The following GNMT variants were observed in gnomAD, a reference collection of about 807,000 sequenced individuals.
The protein encoded by GNMT is epididymis secretory sperm binding protein Li 182mP.
Under a neutral mutation model 30.2 loss-of-function variants are expected in GNMT, and 26 were observed. The ratio of observed to expected loss-of-function variants is 0.86; its 90% confidence interval spans 0.63 to 1.19. The LOEUF is 1.19. Ranked by LOEUF, GNMT falls within the 50% of genes most tolerant of loss-of-function variation. GNMT has a pLI of 0.00. For missense variants in GNMT, 365 were observed against 398.1 expected (o/e 0.92, Z 0.71); for synonymous variants, 163 against 163.8 (o/e 1.00, Z 0.04).
rs201991849 is a variant in GNMT, at chr6:42,963,601, C to G, written c.783C>G (p.Phe261Leu). The G allele has an allele frequency of 5.1e-5, 83 of 1,614,172 alleles. No individual in the cohort carries two copies. The East Asian group carries it at 7.1e-4, about 14-fold the overall frequency. The change falls in exon 6 of 6, where the codon TTC becomes TTG. Residue 261 changes from phenylalanine to leucine, a missense_variant. Phe to Leu is a conservative substitution (Grantham distance 22, BLOSUM62 0). Coordinates refer to ENST00000372808, the MANE Select transcript of GNMT (RefSeq NM_018960.6). ...TCACGGAGCTGCTCCAAGCAGCCTT[C>G]GGAGGTAAGTGCCAGCACAGCGTCC... ...ASFTELLQAA[F>L]GGKCQHSVLG...
chr6:42,962,329 C>G lies in GNMT; in HGVS notation c.324C>G (p.Phe108Leu). ...GGAACCGGCGGCACGAGCCCGCCTT[C>G]GACAAGTGGGGTATGCAGGTCTAGC... ...ERWNRRHEPA[F>L]DKWVIEEANW... The change falls in exon 2 of 6, where the codon TTC (phenylalanine) becomes TTG (leucine). Residue 108 changes from phenylalanine to leucine, a missense_variant. This residue lies in a region of GNMT where 232 missense variants were observed against 263.0 expected (regional missense o/e 0.88). Transcript: ENST00000372808. The G allele has an allele frequency of 6.2e-7, 1 of 1,614,026 alleles. No individual in the cohort carries two copies. The highest frequency in any genetic ancestry group is 8.5e-7 in the Non-Finnish European group (1 of 1,180,020).
chr6:42,963,473 G>A (rs1168530093), intron 5 of GNMT, 24 bp downstream of exon 5: 2 of 1,612,858 alleles, frequency 1.2e-6, no homozygotes, highest in East Asian at 4.5e-5. Flanking sequence ...TAGTGGGGGT[G>A]AGGCGGTAGT....
In GNMT at chr6:42,960,845, G is replaced by A; in HGVS notation, c.78G>A (p.Glu26=). 2 of 1,556,304 alleles carry A rather than the reference G, an allele frequency of 1.3e-6. No homozygotes were observed. Among genetic ancestry groups the A allele is most frequent in the Non-Finnish European group, 1.7e-6 (2 of 1,153,304 alleles). ...TCCCGGACCAGTACGCGGACGGGGA[G>A]GCGGCGCGCGTGTGGCAGCTGTATA... ...EGLPDQYADG[E]AARVWQLYIG... Residue 26 remains glutamate (E), a synonymous_variant, in exon 1 of 6, where the codon GAG becomes GAA. Transcript: ENST00000372808.
Position 42,962,358 on chromosome 6 carries a change from G to A in GNMT, c.334+19G>A. ...AAGTGGGGTATGCAGGTCTAGCCAGGCTCCCCCAGCCCAGTCACCAGGAAC... is the reference window on the plus strand; with the variant it reads ...AAGTGGGGTATGCAGGTCTAGCCAGACTCCCCCAGCCCAGTCACCAGGAAC... On this transcript the variant is annotated intron_variant, in intron 2 of 5. Coordinates refer to ENST00000372808, the MANE Select transcript of GNMT (RefSeq NM_018960.6). 1.2e-6 allele frequency: 2 copies of A among 1,613,650 alleles called. No homozygotes were observed. Among genetic ancestry groups the A allele is most frequent in the Non-Finnish European group, 1.7e-6 (2 of 1,179,844 alleles).
rs138085632 is a variant in GNMT at position 42,963,087 on chromosome 6, A to C, written c.467A>C (p.His156Pro). ...TGGAGCTCAGGGGACCAGAGTGAGC[A>C]CCGGCTGGCGCTGAAAAACATTGCG... ...LPDCKGDQSE[H>P]RLALKNIASM... The change falls in exon 4 of 6, where the codon CAC (histidine) becomes CCC (proline). Residue 156 changes from histidine (H) to proline (P), a missense_variant. Transcript: ENST00000372808. 222 of 1,612,278 alleles carry C rather than the reference A, an allele frequency of 1.4e-4. No individual in the cohort carries two copies. The African/African-American group carries it at 2.5e-3, about 18-fold the overall frequency.
rs766053367 is a variant in GNMT at position 42,963,654 on chromosome 6, G to A, written c.836G>A (p.Gly279Asp). Residue 279 changes from glycine to aspartate, a missense_variant, in exon 6 of 6, where the codon GGC becomes GAC. Around this residue, in one of 3 missense-constraint regions of GNMT, gnomAD observed 232 missense variants for 263.0 expected, o/e 0.88. Coordinates refer to ENST00000372808, the MANE Select transcript of GNMT (RefSeq NM_018960.6). ...GGCGACTTCAAGCCTTACAAGCCAG[G>A]CCAAACCTACATTCCCTGCTACTTC... Reference protein sequence around the residue: ...VLGDFKPYKPGQTYIPCYFIH... With the variant: ...VLGDFKPYKPDQTYIPCYFIH... The A allele has an allele frequency of 1.4e-5, 23 of 1,614,058 alleles. No homozygotes were observed. The Admixed American group carries it at 3.7e-4, about 26-fold the overall frequency.
In GNMT at chr6:42,960,801, G is replaced by C. The variant is rs777001898; in HGVS notation, c.34G>C (p.Gly12Arg). The change falls in exon 1 of 6, where the codon GGG becomes CGG. Residue 12 changes from glycine to arginine, a missense_variant. This residue lies in a region of GNMT where 125 missense variants were observed against 112.0 expected (regional missense o/e 1.12). Transcript: ENST00000372808. ...CAGCGTGTACCGGACCCGCTCCCTG[G>C]GGGTGGCGGCCGAAGGGCTCCCGGA... ...VDSVYRTRSLGVAAEGLPDQY... is the reference protein window; with the variant it reads ...VDSVYRTRSLRVAAEGLPDQY... The C allele has an allele frequency of 1.3e-6, 2 of 1,553,872 alleles. No individual in the cohort carries two copies. The highest frequency in any genetic ancestry group is 2.4e-5 in the South Asian group (2 of 84,592).
Position 42,962,254 on chromosome 6 carries a change from G to C in GNMT, c.249G>C (p.Thr83=). 6.2e-7 allele frequency: 1 copy of C among 1,614,110 alleles called. No individual in the cohort carries two copies. Among genetic ancestry groups the C allele is most frequent in the South Asian group, 1.1e-5 (1 of 91,076 alleles). ...IMLVEEGFSV[T]SVDASDKMLK... is the part of the protein sequence containing the mutation. ...TGGTGGAAGAGGGCTTCAGTGTGAC[G>C]AGTGTGGATGCCAGTGACAAGATGC... The change falls in exon 2 of 6, where the codon ACG becomes ACC. Residue 83 remains threonine (T), a synonymous_variant. Transcript: ENST00000372808.
Position 42,963,535 on chromosome 6 carries a change from T to C in GNMT, c.717T>C (p.Ser239=). 1 of 1,613,958 alleles carries C rather than the reference T, an allele frequency of 6.2e-7. No individual in the cohort carries two copies. Among genetic ancestry groups the C allele is most frequent in the Non-Finnish European group, 8.5e-7 (1 of 1,179,872 alleles). The part of the protein sequence containing the change: ...GAGQDGSPGL[S]KFRLSYYPHC... ...ATGGTTGCTGGGGCCTCTGTTACAG[T>C]AAGTTCCGGCTCTCCTACTACCCAC... Residue 239 remains serine, a splice_region_variant and synonymous_variant, in exon 6 of 6, where the codon AGT becomes AGC. Transcript: ENST00000372808.
In GNMT at chr6:42,960,767, G is replaced by T; in HGVS notation, c.-1G>T. The T allele has an allele frequency of 6.6e-7, 1 of 1,526,240 alleles. No individual in the cohort carries two copies. The highest frequency in any genetic ancestry group is 8.8e-7 in the Non-Finnish European group (1 of 1,134,930). The allele number at this position is 1,526,240 out of a possible 1,614,324, so 94.5% of individuals were successfully genotyped here. ...GGCTGCGGAGCCAGGCGCGGCGCAG[G>T]ATGGTGGACAGCGTGTACCGGACCC... On this transcript the variant is annotated 5_prime_UTR_variant, in exon 1 of 6. Coordinates refer to ENST00000372808, the MANE Select transcript of GNMT (RefSeq NM_018960.6).
chr6:42,962,797 G>C lies in GNMT; in HGVS notation c.370G>C (p.Asp124His), dbSNP rs1428884178. 6.2e-7 allele frequency: 1 copy of C among 1,614,152 alleles called. No homozygotes were observed. ...EEANWMTLDK[D>H]VPQSAEGGFD... ...AGCCAACTGGATGACTCTGGACAAA[G>C]ATGTGCCCCAGTCAGCAGAGGGTGG... The change falls in exon 3 of 6, where the codon GAT becomes CAT. Residue 124 changes from aspartate to histidine, a missense_variant. By Grantham distance (81) the Asp-to-His change is moderately conservative. Coordinates refer to ENST00000372808, the MANE Select transcript of GNMT (RefSeq NM_018960.6).
chr6:42,960,933 C>A lies in GNMT; in HGVS notation c.166C>A (p.His56Asn). ...ATGGCTGCTTGGGCTGCTGCGCCAG[C>A]ACGGCTGCCAGCGGGTGCTCGACGT... is the stretch of plus-strand genomic sequence containing the variant. ...KAWLLGLLRQ[H>N]GCQRVLDVAC... Residue 56 changes from histidine (H) to asparagine (N), a missense_variant, in exon 1 of 6, where the codon CAC (histidine) becomes AAC (asparagine). By Grantham distance (68) the His-to-Asn change is moderately conservative. This residue lies in a region of GNMT where 125 missense variants were observed against 112.0 expected (regional missense o/e 1.12). Coordinates refer to ENST00000372808, the MANE Select transcript of GNMT (RefSeq NM_018960.6). The A allele has an allele frequency of 6.4e-7, 1 of 1,564,646 alleles. No individual in the cohort carries two copies. Among genetic ancestry groups the A allele is most frequent in the Admixed American group, 1.9e-5 (1 of 53,714 alleles).
Position 42,963,403 on chromosome 6 carries a change from A to C in GNMT, c.670A>C (p.Thr224Pro). The change falls in exon 5 of 6, where the codon ACG becomes CCG. Residue 224 changes from threonine to proline, a missense_variant. Transcript: ENST00000372808. ...NKAHMVTLDY[T>P]VQVPGAGQDG... ...GGCCCACATGGTGACCCTGGACTAT[A>C]CGGTGCAGGTGCCGGGGGCTGGCCA... is the stretch of plus-strand genomic sequence containing the variant. 1 of 1,613,884 alleles carries C rather than the reference A, an allele frequency of 6.2e-7. No individual in the cohort carries two copies. The highest frequency in any genetic ancestry group is 1.1e-5 in the South Asian group (1 of 91,070).
At position 42,960,989 on chromosome 6, in the gene GNMT, G is replaced by T; in HGVS notation, c.206+16G>T. On this transcript the variant is annotated intron_variant, in intron 1 of 5. Coordinates refer to ENST00000372808, the MANE Select transcript of GNMT (RefSeq NM_018960.6). ...GTGGCACTGGGTGAGCCCAGGCCGG[G>T]GCCGGGGGCGTTGCATGAGATCGGG... The T allele has an allele frequency of 6.5e-7, 1 of 1,532,926 alleles. No homozygotes were observed. Among genetic ancestry groups the T allele is most frequent in the Non-Finnish European group, 8.7e-7 (1 of 1,143,014 alleles). 95.0% of individuals were successfully genotyped at this position (1,532,926 alleles called of 1,614,324 possible). A position where few individuals can be genotyped will look rare whatever the true frequency, so the allele number is the denominator to read the frequency against.
Position 42,960,840 on chromosome 6 carries a change from G to A in GNMT, c.73G>A (p.Gly25Arg), listed in dbSNP as rs1769333060. 3 of 1,557,176 alleles carry A rather than the reference G, an allele frequency of 1.9e-6. No homozygotes were observed. In the African/African-American group the frequency reaches 4.1e-5, roughly 21 times the overall value. ...AEGLPDQYAD[G>R]EAARVWQLYI... ...AGGGCTCCCGGACCAGTACGCGGACGGGGAGGCGGCGCGCGTGTGGCAGCT... is the reference window on the plus strand; with the variant it reads ...AGGGCTCCCGGACCAGTACGCGGACAGGGAGGCGGCGCGCGTGTGGCAGCT... The change falls in exon 1 of 6, where the codon GGG (glycine) becomes AGG (arginine). Residue 25 changes from glycine (G) to arginine (R), a missense_variant. Physicochemically the swap from Gly to Arg is moderately radical, Grantham distance 125. Coordinates refer to ENST00000372808, the MANE Select transcript of GNMT (RefSeq NM_018960.6).
Position 42,963,825 on chromosome 6 carries a change from G to A in GNMT, c.*119G>A. The A allele has an allele frequency of 1.1e-6, 1 of 912,612 alleles. No homozygotes were observed. The highest frequency in any genetic ancestry group is 1.8e-6 in the Non-Finnish European group (1 of 563,170). 56.5% of individuals were successfully genotyped at this position (912,612 alleles called of 1,614,324 possible). ...AGAGCAGACTACAGCTGGGGTGCAG[G>A]GATGTGGGTTCCACAGACGGAAGGG... On this transcript the variant is annotated 3_prime_UTR_variant, in exon 6 of 6. Coordinates refer to ENST00000372808, the MANE Select transcript of GNMT (RefSeq NM_018960.6).
In GNMT at chr6:42,963,369, GAAC is replaced by G; in HGVS notation, c.642_644del (p.Asn214del). The G allele has an allele frequency of 1.2e-6, 2 of 1,613,596 alleles. No homozygotes were observed. Among genetic ancestry groups the G allele is most frequent in the East Asian group, 2.2e-5 (1 of 44,868 alleles). ...ACGTCACAACATCAGTGCTGATAGT[GAAC>G]AACAAGGCCCACATGGTGACCCTGG... On this transcript the variant is annotated inframe_deletion, in exon 5 of 6. Coordinates refer to ENST00000372808, the MANE Select transcript of GNMT (RefSeq NM_018960.6).
chr6:42,963,078 A>G lies in GNMT; in HGVS notation c.458A>G (p.Gln153Arg). The change falls in exon 4 of 6, where the codon CAG becomes CGG. Residue 153 changes from glutamine to arginine, a missense_variant. By Grantham distance (43) the Gln-to-Arg change is conservative. Transcript: ENST00000372808. ...FAHLPDCKGD[Q>R]SEHRLALKNI... is the part of the protein sequence containing the mutation. ...GCCCGTGCCTGGAGCTCAGGGGACC[A>G]GAGTGAGCACCGGCTGGCGCTGAAA... The G allele has an allele frequency of 6.2e-7, 1 of 1,611,982 alleles. No individual in the cohort carries two copies. The highest frequency in any genetic ancestry group is 8.5e-7 in the Non-Finnish European group (1 of 1,179,930).
chr6:42,962,741 C>T (rs997019650), intron 2 of GNMT, 21 bp from the exon 3 acceptor site: 1 of 1,562,310 alleles, frequency 6.4e-7, no homozygotes, highest in African/African-American at 1.4e-5. Flanking sequence ...CCTGATTCCT[C>T]TTTCTCTTCC....
Sources: gnomAD v4.1 joint callset for allele counts on GRCh38, gnomAD v4.1.1 for gene constraint, gnomAD v4.1.1 regional missense constraint, MANE v1.5 for transcripts, NCBI Gene and HGNC (gene_info 2026-07-23, HGNC 2026-07-21) for gene names.